LANCL2: variants seen among roughly 807,000 people sequenced by gnomAD.
The protein encoded by LANCL2 is LanC like glutathione S-transferase 2.
Under a neutral mutation model 56.9 loss-of-function variants are expected in LANCL2, and 33 were observed. That is an observed-to-expected ratio of 0.58 (90% CI 0.44 to 0.78). LANCL2 has a LOEUF of 0.78. Among genes scored for constraint, LANCL2 ranks in the 30% least tolerant of loss-of-function variants. The probability of loss-of-function intolerance (pLI) is 0.00; values close to 1 mark genes in which losing one functional copy is unlikely to be tolerated. For synonymous variants in LANCL2, 233 were observed against 228.2 expected (o/e 1.02, Z -0.19); for missense variants, 562 against 580.2 (o/e 0.97, Z 0.32).
In LANCL2 at chr7:55,414,991, AAAAAAAAAAAG is replaced by A. The variant is rs796694432; in HGVS notation, c.1008+2907_1008+2917del. Among the ~76,000 whole-genome samples, 702 of 146,644 alleles carry A rather than the reference AAAAAAAAAAAG, an allele frequency of 4.8e-3. 23 individuals are homozygous for A. The highest frequency in any genetic ancestry group is 0.017 in the African/African-American group (667 of 39,722). Reference sequence around the variant, plus strand: ...ACAGCAAGACCCTACCTCAAAAAAAAAAAAAAAAAAGAAAAGAAAAGAAAAAGGCAAGGTTT... The same window carrying A: ...ACAGCAAGACCCTACCTCAAAAAAAAAAAAGAAAAGAAAAAGGCAAGGTTT... On this transcript the variant is annotated intron_variant, in intron 6 of 8. Transcript: ENST00000254770.
At chr7:55,421,237 G>T (rs1025493621) in intron 6 of LANCL2, among the ~76,000 whole-genome samples, 6 of 139,408 alleles carry the variant, frequency 4.3e-5, no homozygotes, top group Non-Finnish European at 7.8e-5. Context: ...ATTACATTTT[G>T]TGTGTTTCCT....
At chr7:55,380,280 T>C (rs1450487059) in intron 1 of LANCL2, among the ~76,000 whole-genome samples, 1 of 152,216 alleles carries the variant, frequency 6.6e-6, no homozygotes, top group Non-Finnish European at 1.5e-5. Context: ...AATTGGTTGG[T>C]CTCAAAATAG....
chr7:55,412,266 G>A (rs1423554801), intron 6 of LANCL2, among the ~76,000 whole-genome samples, 177 bp downstream of exon 6: 2 of 152,206 alleles, frequency 1.3e-5, no homozygotes, highest in African/African-American at 2.4e-5. Context: ...CATTAGTGCT[G>A]CAAGTCTGTG....
In LANCL2 at chr7:55,425,280, A is replaced by G. The variant is rs1355491511; in HGVS notation, c.1035A>G (p.Lys345=). ...TCTTTAAGGAGGAGAAGTACTTGAA[A>G]GAGGCCATGGAGTGTAGCGATGTGA... ...YKVFKEEKYL[K]EAMECSDVIW... Residue 345 remains lysine (K), a synonymous_variant, in exon 7 of 9, where the codon AAA becomes AAG. Transcript: ENST00000254770. 1.9e-6 allele frequency: 3 copies of G among 1,614,116 alleles called. No individual in the cohort carries two copies.
intron 1 of LANCL2, among the ~76,000 whole-genome samples, chr7:55,383,755 T>G (rs1462103593): frequency 1.3e-5 from 2 of 152,210 alleles, no homozygotes; most frequent in African/African-American, 2.4e-5. Context: ...GAGAATCGCT[T>G]GAACCTGGGA....
rs185586029 is a variant in LANCL2 at position 55,425,397 on chromosome 7, G to T, written c.1152G>T (p.Thr384=). 2.7e-5 allele frequency: 43 copies of T among 1,613,944 alleles called. No individual in the cohort carries two copies. The Middle Eastern group carries it at 4.9e-4, about 19-fold the overall frequency. The change falls in exon 7 of 9, where the codon ACG becomes ACT. Residue 384 remains threonine (T), a synonymous_variant. Transcript: ENST00000254770. Reference sequence around the variant, plus strand: ...CCTTCCTGTCCCTTTACCGTCTCACGCAGGATAAGAAGTACCTCTACCGAG... The same window carrying T: ...CCTTCCTGTCCCTTTACCGTCTCACTCAGGATAAGAAGTACCTCTACCGAG... The part of the protein sequence containing the change: ...GYSFLSLYRL[T]QDKKYLYRAC...
intron 6 of LANCL2, among the ~76,000 whole-genome samples, chr7:55,414,563 T>G (rs1440867838): frequency 6.6e-6 from 1 of 152,188 alleles, no homozygotes; most frequent in Non-Finnish European, 1.5e-5. Flanking sequence ...ACTCACAAAA[T>G]TTATTTTCCC....
At chr7:55,426,313 G>T (rs1790663445) in intron 7 of LANCL2, among the ~76,000 whole-genome samples, 1 of 152,192 alleles carries the variant, frequency 6.6e-6, no homozygotes, top group African/African-American at 2.4e-5. Context: ...AAGATGAATG[G>T]CATAGAGCAA....
At position 55,403,532 on chromosome 7, in the gene LANCL2, T is replaced by G. The variant is rs1312128362; in HGVS notation, c.825+2212T>G. 2.6e-5 allele frequency among the ~76,000 whole-genome samples: 4 copies of G among 150,952 alleles called. No individual in the cohort carries two copies. In the East Asian group the frequency reaches 7.8e-4, roughly 29 times the overall value. ...GTCTTAAAGCAGATTAGTTATCTGT[T>G]CCCCACACTTTTCTGGGTTTTTTTT... On this transcript the variant is annotated intron_variant, in intron 5 of 8. Coordinates refer to ENST00000254770, the MANE Select transcript of LANCL2 (RefSeq NM_018697.4).
chr7:55,423,090 G>T (rs917930236), intron 6 of LANCL2, among the ~76,000 whole-genome samples: 2 of 152,226 alleles, frequency 1.3e-5, no homozygotes, highest in Non-Finnish European at 2.9e-5. Flanking sequence ...CATGGATTTT[G>T]TAGCCCATGT....
In LANCL2 at chr7:55,426,241, C is replaced by T. The variant is rs1048357486; in HGVS notation, c.1185+811C>T. Among the ~76,000 whole-genome samples the T allele has an allele frequency of 2.0e-5, 3 of 152,294 alleles. No homozygotes were observed. The East Asian group carries it at 5.8e-4, about 29-fold the overall frequency. ...TGTCTGTCTGGGTCACTATTCTACA[C>T]TAGTACTTGGAGCAGTGCATAGCAC... is the stretch of plus-strand genomic sequence containing the variant. On this transcript the variant is annotated intron_variant, in intron 7 of 8. Coordinates refer to ENST00000254770, the MANE Select transcript of LANCL2 (RefSeq NM_018697.4).
In LANCL2 at chr7:55,370,627, G is replaced by A. The variant is rs114787310; in HGVS notation, c.204+4398G>A. On this transcript the variant is annotated intron_variant, in intron 1 of 8. Transcript: ENST00000254770. ...GGGGGCACAAGAGAAGAAAGAAGAC[G>A]TGTTAATTCTGCCCATTCGCATCAG... 4.3e-3 allele frequency among the ~76,000 whole-genome samples: 651 copies of A among 152,320 alleles called. 8 individuals are homozygous for A. The highest frequency in any genetic ancestry group is 0.015 in the African/African-American group (630 of 41,586).
chr7:55,368,366 G>C (rs886198685), intron 1 of LANCL2, among the ~76,000 whole-genome samples: 1 of 152,208 alleles, frequency 6.6e-6, no homozygotes, highest in African/African-American at 2.4e-5. Context: ...GTAAGTTGGG[G>C]TGGGGACCTA....
chr7:55,370,484 A>G (rs1456372939), intron 1 of LANCL2, among the ~76,000 whole-genome samples: 3 of 152,344 alleles, frequency 2.0e-5, no homozygotes, highest in Middle Eastern at 3.4e-3. Flanking sequence ...CAGAGAGGTC[A>G]TTGCCATACC....
intron 1 of LANCL2, among the ~76,000 whole-genome samples, chr7:55,376,456 C>G (rs1156859089): frequency 6.6e-6 from 1 of 152,130 alleles, no homozygotes; most frequent in African/African-American, 2.4e-5. Context: ...CCACACATTG[C>G]CCCACTGACG....
intron 5 of LANCL2, among the ~76,000 whole-genome samples, chr7:55,411,578 A>G (rs1471124718): frequency 6.6e-6 from 1 of 152,216 alleles, no homozygotes; most frequent in Non-Finnish European, 1.5e-5. Flanking sequence ...ATGGAAGGAA[A>G]TCAAGTATTG....
chr7:55,427,283 C>A (rs543981913), intron 7 of LANCL2, among the ~76,000 whole-genome samples: 2 of 152,240 alleles, frequency 1.3e-5, no homozygotes, highest in South Asian at 4.1e-4. Context: ...TTTTCAAGCT[C>A]CCCCAGTAAG....
intron 5 of LANCL2, among the ~76,000 whole-genome samples, chr7:55,411,588 G>C (rs1338180307): frequency 1.3e-5 from 2 of 152,150 alleles, no homozygotes; most frequent in Non-Finnish European, 2.9e-5. Context: ...ATCAAGTATT[G>C]GTATTTTAAC....
At chr7:55,398,678 T>G (rs1722979) in intron 3 of LANCL2, 48 bp downstream of exon 3, 235,954 of 1,370,504 alleles carry the variant, frequency 0.17, 22,064 homozygotes, top group Middle Eastern at 0.23. Context: ...CAGTGGAAGC[T>G]CTTGCTGTAG....
Sources: gnomAD v4.1 joint callset for allele counts (sites outside exome capture counted in the v4.1 genomes callset) on GRCh38, gnomAD v4.1.1 for gene constraint, MANE v1.5 for transcripts, NCBI Gene and HGNC (gene_info 2026-07-23, HGNC 2026-07-21) for gene names.